The following NOS1 variants were observed in gnomAD, a reference collection of about 807,000 sequenced individuals.
NOS1 encodes nitric oxide synthase 1.
In NOS1, 51 loss-of-function variants were observed where a neutral mutation model predicts 164.5. The observed-to-expected ratio is 0.31, with a 90% CI of 0.25 to 0.39. NOS1 has a LOEUF of 0.39. Among genes scored for constraint, NOS1 ranks in the 10% least tolerant of loss-of-function variants. The pLI, the probability that NOS1 is intolerant of heterozygous loss-of-function variation, is 1.00. For synonymous variants in NOS1, 719 were observed against 745.8 expected (o/e 0.96, Z 0.59); for missense variants, 1,362 against 1,885.6 (o/e 0.72, Z 5.14).
At chr12:117,305,250 C>G (rs528570093) in intron 3 of NOS1, among the ~76,000 whole-genome samples, 3 of 152,212 alleles carry the variant, frequency 2.0e-5, no homozygotes, top group South Asian at 4.2e-4. Context: ...ATCACAAGGT[C>G]AGGAGATCGA....
At chr12:117,280,267 CTCAAATTGTTGTA>C (rs1357396725) in intron 8 of NOS1, among the ~76,000 whole-genome samples, 5 of 152,106 alleles carry the variant, frequency 3.3e-5, no homozygotes, top group African/African-American at 1.2e-4. Context: ...GCTTGGGTGG[CTCAAATTGTTGTA>C]TCAACAAATG....
chr12:117,325,013 G>A (rs1396119008), intron 2 of NOS1, among the ~76,000 whole-genome samples: 1 of 152,246 alleles, frequency 6.6e-6, no homozygotes, highest in Admixed American at 6.5e-5. Context: ...GGACAACAGA[G>A]CAGGAGAGAC....
At position 117,209,047 on chromosome 12, in the gene NOS1, T is replaced by C; in HGVS notation, c.*6262A>G. ...CTGGGAGGGGTTTTTGAAAGCATAC[T>C]GCCCTCCCCATGCCCCCTCCCCCGG... On this transcript the variant is annotated 3_prime_UTR_variant, in exon 29 of 29. Coordinates refer to ENST00000317775, the MANE Select transcript of NOS1 (RefSeq NM_000620.5). 1 of 985,338 alleles carries C rather than the reference T, an allele frequency of 1.0e-6. No individual in the cohort carries two copies. Among genetic ancestry groups the C allele is most frequent in the Non-Finnish European group, 1.2e-6 (1 of 829,922 alleles). The allele number at this position is 985,338 out of a possible 1,614,324, so 61.0% of individuals were successfully genotyped here.
chr12:117,290,262 G>C, intron 4 of NOS1, 36 bp downstream of exon 4: 1 of 1,609,276 alleles, frequency 6.2e-7, no homozygotes. Flanking sequence ...TGATGAAGCT[G>C]CCACCCTCTC....
At chr12:117,361,312 C>T (rs1212729054) in intron 1 of NOS1, among the ~76,000 whole-genome samples, 200 bp downstream of exon 1, 2 of 151,796 alleles carry the variant, frequency 1.3e-5, no homozygotes, top group East Asian at 2.0e-4. Context: ...TGGTAGGAGC[C>T]GCGCGCGTCC....
At chr12:117,220,051 C>A in intron 27 of NOS1, 24 bp downstream of exon 27, 1 of 1,582,870 alleles carries the variant, frequency 6.3e-7, no homozygotes. Context: ...GAAAAGGGAC[C>A]TGGGAAGTCA....
In NOS1 at chr12:117,330,728, A is replaced by G. The variant is rs1453945371; in HGVS notation, c.342T>C (p.Asp114=). ...TTHLETTFTG[D]GTPKTIRVTQ... is the part of the protein sequence containing the mutation. ...TCACCCGGATGGTCTTGGGGGTCCC[A>G]TCACCTGTAAAGGTGGTCTCCAGGT... The change falls in exon 2 of 29, where the codon GAT becomes GAC. Residue 114 remains aspartate, a synonymous_variant. Transcript: ENST00000317775. The surrounding 1 kb of genome is among the most constrained non-coding windows in gnomAD (Gnocchi z 4.6). 4 of 1,613,952 alleles carry G rather than the reference A, an allele frequency of 2.5e-6. No individual in the cohort carries two copies. The Admixed American group carries it at 5.0e-5, about 20-fold the overall frequency.
chr12:117,327,773 C>T (rs1157181111), intron 2 of NOS1, among the ~76,000 whole-genome samples: 1 of 152,068 alleles, frequency 6.6e-6, no homozygotes, highest in Non-Finnish European at 1.5e-5. Context: ...CAGGCTGTCC[C>T]CAGGGAATGT....
At position 117,234,526 on chromosome 12, in the gene NOS1, C is replaced by T. The variant is rs1163065647; in HGVS notation, c.3235+39G>A. Reference sequence around the variant, plus strand: ...CTTCCCGAGACACCCACTGCCTCTGCAGCTCCCTAGAGCAGGGAAGGGTCC... The same window carrying T: ...CTTCCCGAGACACCCACTGCCTCTGTAGCTCCCTAGAGCAGGGAAGGGTCC... On this transcript the variant is annotated intron_variant, in intron 21 of 28. Coordinates refer to ENST00000317775, the MANE Select transcript of NOS1 (RefSeq NM_000620.5). The surrounding 1 kb of genome is among the most constrained non-coding windows in gnomAD (Gnocchi z 4.3). 3 of 1,582,680 alleles carry T rather than the reference C, an allele frequency of 1.9e-6. No individual in the cohort carries two copies. Among genetic ancestry groups the T allele is most frequent in the Non-Finnish European group, 2.6e-6 (3 of 1,158,902 alleles).
chr12:117,215,617 G>A (rs1281200643), intron 28 of NOS1, among the ~76,000 whole-genome samples: 2 of 151,976 alleles, frequency 1.3e-5, no homozygotes, highest in African/African-American at 4.8e-5. Flanking sequence ...ATTTTTAGTA[G>A]AGATGGAGTT....
rs1270576767 is a variant in NOS1 at position 117,322,639 on chromosome 12, CTCCCTCCCTGCT to C, written c.725+7694_725+7705del. Among the ~76,000 whole-genome samples, 5 of 136,254 alleles carry C rather than the reference CTCCCTCCCTGCT, an allele frequency of 3.7e-5. No individual in the cohort carries two copies. The South Asian group carries it at 1.3e-3, about 36-fold the overall frequency. The allele number at this position is 136,254 out of a possible 152,430, so 89.4% of individuals were successfully genotyped here. A position where few individuals can be genotyped will look rare whatever the true frequency, so the allele number is the denominator to read the frequency against. On this transcript the variant is annotated intron_variant, in intron 2 of 28. Coordinates refer to ENST00000317775, the MANE Select transcript of NOS1 (RefSeq NM_000620.5). ...CTTCCTACCCTCTCTCATTCCTTTC[CTCCCTCCCTGCT>C]TCCCTCCCTCCTTCCGTCCCTGCTT... is the stretch of plus-strand genomic sequence containing the variant.
intron 1 of NOS1, among the ~76,000 whole-genome samples, chr12:117,351,249 A>C (rs1358030676): frequency 6.6e-6 from 1 of 152,138 alleles, no homozygotes; most frequent in African/African-American, 2.4e-5. Flanking sequence ...TCCCTCTCTT[A>C]GTGCTGTAGT....
At chr12:117,289,261 G>A (rs1017161626) in intron 4 of NOS1, among the ~76,000 whole-genome samples, 9 of 152,176 alleles carry the variant, frequency 5.9e-5, no homozygotes, top group African/African-American at 1.7e-4. Context: ...GATGATATTC[G>A]CAAGCAGCAA....
intron 17 of NOS1, among the ~76,000 whole-genome samples, chr12:117,252,962 C>G (rs1158455683): frequency 6.6e-6 from 1 of 152,154 alleles, no homozygotes; most frequent in Admixed American, 6.5e-5. Flanking sequence ...TGTTTTCTTT[C>G]CTTCCAAGAA....
chr12:117,309,785 T>G (rs73208120), intron 3 of NOS1, among the ~76,000 whole-genome samples: 10,577 of 148,536 alleles, frequency 0.071, 574 homozygotes, highest in Admixed American at 0.18. Context: ...GGCGAGGCTG[T>G]GAAGAAACAG....
At chr12:117,345,016 T>C (rs953409611) in intron 1 of NOS1, among the ~76,000 whole-genome samples, 12 of 136,274 alleles carry the variant, frequency 8.8e-5, no homozygotes, top group African/African-American at 3.4e-4. Context: ...GCTTGGTTGC[T>C]TGGTTGCTTT....
rs769029513 is a variant in NOS1 at position 117,272,400 on chromosome 12, G to A, written c.1824C>T (p.Arg608=). The A allele has an allele frequency of 6.2e-7, 1 of 1,614,164 alleles. No individual in the cohort carries two copies. The highest frequency in any genetic ancestry group is 1.1e-5 in the South Asian group (1 of 91,080). The stretch of plus-strand genomic sequence containing the variant: ...GGGCCCTTACCTCCAGGATATTGTA[G>A]CGGGAGTTGTCACAGTAGTCGCGGA... ...IGVRDYCDNS[R]YNILEEVAKK... Residue 608 remains arginine (R), a synonymous_variant, in exon 10 of 29, where the codon CGC becomes CGT. Coordinates refer to ENST00000317775, the MANE Select transcript of NOS1 (RefSeq NM_000620.5). This position sits in a 1 kb window ranked among gnomAD's most constrained non-coding sequence, Gnocchi z 4.3.
At chr12:117,347,708 C>T (rs891481069) in intron 1 of NOS1, among the ~76,000 whole-genome samples, 6 of 152,144 alleles carry the variant, frequency 3.9e-5, no homozygotes, top group Admixed American at 1.3e-4. Context: ...TCCCCACCTC[C>T]GCATGAGATC....
At chr12:117,287,975 C>T in intron 5 of NOS1, 99 bp downstream of exon 5, 4 of 1,342,080 alleles carry the variant, frequency 3.0e-6, no homozygotes, top group Non-Finnish European at 4.2e-6. Context: ...ATGGCAGAGG[C>T]CTTGTGCCTT....
Sources: allele counts gnomAD v4.1 joint callset (sites outside exome capture counted in the v4.1 genomes callset), GRCh38; gene constraint gnomAD v4.1.1; non-coding constraint Gnocchi (gnomAD v3.1); transcripts MANE v1.5; gene names NCBI Gene and HGNC (gene_info 2026-07-23, HGNC 2026-07-21).